KIRREL3: variants seen among roughly 807,000 people sequenced by gnomAD.
KIRREL3 encodes the protein kin of IRRE-like protein 3.
In KIRREL3, 36 loss-of-function variants were observed where a neutral mutation model predicts 89.7. The ratio of observed to expected loss-of-function variants is 0.40; its 90% CI spans 0.31 to 0.53. The LOEUF is 0.53. KIRREL3 is among the 20% of genes least tolerant of loss of function. The pLI is 0.49. For synonymous variants in KIRREL3, 445 were observed against 441.4 expected (o/e 1.01, Z -0.10); for missense variants, 864 against 1,056.6 (o/e 0.82, Z 2.53).
intron 1 of KIRREL3, among the ~76,000 whole-genome samples, chr11:126,929,954 C>A (rs938656392): frequency 2.0e-5 from 3 of 152,134 alleles, no homozygotes; most frequent in South Asian, 2.1e-4. Context: ...AGCCACCCCC[C>A]CCCCCCCACC....
chr11:126,785,977 G>C (rs1950476688), intron 1 of KIRREL3, among the ~76,000 whole-genome samples: 1 of 142,144 alleles, frequency 7.0e-6, no homozygotes, highest in Non-Finnish European at 1.5e-5. Context: ...TCAAAAAAAT[G>C]TACATGCCCT....
rs749386420 is a variant in KIRREL3, at chr11:126,521,656, T to TTC, written c.284-194_284-193dup. On this transcript the variant is annotated intron_variant, in intron 3 of 16. Transcript: ENST00000525144. The surrounding 1 kb of genome is among the most constrained non-coding windows in gnomAD (Gnocchi z 4.1). ...TTTCCCAAGGCATTGAAGGTGTTGG[T>TTC]TCTCTCTCTCTCTCTCTGTATGTGT... is the stretch of plus-strand genomic sequence containing the variant. Among the ~76,000 whole-genome samples, 64,446 of 148,276 alleles carry TTC rather than the reference T, an allele frequency of 0.43. 15,286 individuals are homozygous for TTC. Among genetic ancestry groups the TTC allele is most frequent in the African/African-American group, 0.63 (25,141 of 40,034 alleles).
chr11:126,730,258 T>C (rs1948561942), intron 1 of KIRREL3, among the ~76,000 whole-genome samples: 1 of 152,218 alleles, frequency 6.6e-6, no homozygotes, highest in Non-Finnish European at 1.5e-5. Flanking sequence ...CACAGGCCCC[T>C]TGAGTGTGAC....
At position 126,985,589 on chromosome 11, in the gene KIRREL3, C is replaced by T. The variant is rs573920228; in HGVS notation, c.55+14866G>A. ...CTAGACTAACCTGGGGGAGAGGAGA[C>T]GGCCACTCCAGAGGGACAGGAGGCA... On this transcript the variant is annotated intron_variant, in intron 1 of 16. Transcript: ENST00000525144. This position sits in a 1 kb window ranked among gnomAD's most constrained non-coding sequence, Gnocchi z 5.3. Among the ~76,000 whole-genome samples the T allele has an allele frequency of 5.3e-5, 8 of 152,104 alleles. No individual in the cohort carries two copies. Among genetic ancestry groups the T allele is most frequent in the African/African-American group, 9.6e-5 (4 of 41,482 alleles).
intron 6 of KIRREL3, among the ~76,000 whole-genome samples, chr11:126,458,634 C>A (rs1053217344): frequency 1.3e-5 from 2 of 152,192 alleles, no homozygotes; most frequent in Non-Finnish European, 2.9e-5. Flanking sequence ...TAGCAGGTGG[C>A]TGACTGTGCT....
intron 16 of KIRREL3, 70 bp from the exon 17 acceptor site, chr11:126,425,093 C>A (rs1457750286): frequency 7.3e-7 from 1 of 1,374,220 alleles, no homozygotes; most frequent in Non-Finnish European, 9.7e-7. Context: ...GGTTTCCAGG[C>A]TGAGCCCGTC....
In KIRREL3 at chr11:126,999,047, G is replaced by T. The variant is rs1480509162; in HGVS notation, c.55+1408C>A. Among the ~76,000 whole-genome samples, 1 of 151,566 alleles carries T rather than the reference G, an allele frequency of 6.6e-6. No individual in the cohort carries two copies. Among genetic ancestry groups the T allele is most frequent in the South Asian group, 2.1e-4 (1 of 4,816 alleles). On this transcript the variant is annotated intron_variant, in intron 1 of 16. Coordinates refer to ENST00000525144, the MANE Select transcript of KIRREL3 (RefSeq NM_032531.4). The surrounding 1 kb of genome is among the most constrained non-coding windows in gnomAD (Gnocchi z 5.7). ...ACCTGTCTCTATACCAGTGTTCTGAGAGAGTTCTTATTCATTCAGCCTGAA... is the reference window on the plus strand; with the variant it reads ...ACCTGTCTCTATACCAGTGTTCTGATAGAGTTCTTATTCATTCAGCCTGAA...
At chr11:126,932,703 G>A (rs1948004404) in intron 1 of KIRREL3, among the ~76,000 whole-genome samples, 1 of 152,174 alleles carries the variant, frequency 6.6e-6, no homozygotes, top group Non-Finnish European at 1.5e-5. Flanking sequence ...AAGGGCAAAA[G>A]GCCTATGTAT....
chr11:126,777,979 C>T (rs1292661448), intron 1 of KIRREL3, among the ~76,000 whole-genome samples: 1 of 149,808 alleles, frequency 6.7e-6, no homozygotes, highest in African/African-American at 2.5e-5. Flanking sequence ...TGCATGGTTG[C>T]AAGGACTGGG....
At chr11:126,922,632 C>T (rs1332146548) in intron 1 of KIRREL3, among the ~76,000 whole-genome samples, 2 of 152,032 alleles carry the variant, frequency 1.3e-5, no homozygotes, top group Admixed American at 6.5e-5. Flanking sequence ...ACCATCTCCC[C>T]TTCTTCTCAG....
At chr11:126,439,112 C>A (rs1345866864) in intron 11 of KIRREL3, among the ~76,000 whole-genome samples, 4 of 152,178 alleles carry the variant, frequency 2.6e-5, no homozygotes, top group Non-Finnish European at 4.4e-5. Context: ...CCCTGGATCA[C>A]CTGAGGTCAG....
chr11:126,451,725 T>C (rs1245204044), intron 7 of KIRREL3, among the ~76,000 whole-genome samples: 1 of 152,220 alleles, frequency 6.6e-6, no homozygotes, highest in Admixed American at 6.5e-5. Context: ...AGCACGTGCA[T>C]ATGCATGTGA....
At position 126,764,787 on chromosome 11, in the gene KIRREL3, C is replaced by T. The variant is rs77316712; in HGVS notation, c.56-201875G>A. Among the ~76,000 whole-genome samples, 1,990 of 152,256 alleles carry T rather than the reference C, an allele frequency of 0.013. 35 individuals are homozygous for T. The highest frequency in any genetic ancestry group is 0.046 in the African/African-American group (1,896 of 41,528). ...CTGTAAGCCTCCGGGGCCATATAAA[C>T]GCGGCTATTTTCACAGTCCAACTTC... On this transcript the variant is annotated intron_variant, in intron 1 of 16. Transcript: ENST00000525144. The surrounding 1 kb of genome is among the most constrained non-coding windows in gnomAD (Gnocchi z 4.2).
Position 126,908,803 on chromosome 11 carries a change from A to G in KIRREL3, c.55+91652T>C, listed in dbSNP as rs192568766. On this transcript the variant is annotated intron_variant, in intron 1 of 16. Transcript: ENST00000525144. This position sits in a 1 kb window ranked among gnomAD's most constrained non-coding sequence, Gnocchi z 4.2. Reference sequence around the variant, plus strand: ...AACAAAGACTCAGGCAAATATATGCAGTCATCCCTCGTTATTCAAGGAGGA... The same window carrying G: ...AACAAAGACTCAGGCAAATATATGCGGTCATCCCTCGTTATTCAAGGAGGA... 6.6e-6 allele frequency among the ~76,000 whole-genome samples: 1 copy of G among 152,276 alleles called. No homozygotes were observed. Among genetic ancestry groups the G allele is most frequent in the East Asian group, 1.9e-4 (1 of 5,170 alleles).
intron 1 of KIRREL3, among the ~76,000 whole-genome samples, chr11:126,712,264 A>AGTGTGTGT (rs3045186): frequency 0.045 from 6,675 of 149,642 alleles, 343 homozygotes; most frequent in African/African-American, 0.13. Context: ...GATAAGGGCG[A>AGTGTGTGT]GTGTGTGTGT....
At position 126,521,555 on chromosome 11, in the gene KIRREL3, GC is replaced by G. The variant is rs3839943; in HGVS notation, c.284-92del. 0.2 allele frequency: 237,586 copies of G among 1,164,428 alleles called. 28,935 individuals are homozygous for G. Among genetic ancestry groups the G allele is most frequent in the African/African-American group, 0.45 (29,025 of 64,768 alleles). 72.1% of individuals were successfully genotyped at this position (1,164,428 alleles called of 1,614,324 possible). A position where few individuals can be genotyped will look rare whatever the true frequency, so the allele number is the denominator to read the frequency against. On this transcript the variant is annotated intron_variant, in intron 3 of 16. Transcript: ENST00000525144. The surrounding 1 kb of genome is among the most constrained non-coding windows in gnomAD (Gnocchi z 4.1). The stretch of plus-strand genomic sequence containing the variant: ...CACAGAATGGAGGACCCAAGCAGGG[GC>G]CATTCTACAAGGCTGGCAGAGCGGG...
At position 126,943,690 on chromosome 11, in the gene KIRREL3, G is replaced by A. The variant is rs920245446; in HGVS notation, c.55+56765C>T. On this transcript the variant is annotated intron_variant, in intron 1 of 16. Transcript: ENST00000525144. This position sits in a 1 kb window ranked among gnomAD's most constrained non-coding sequence, Gnocchi z 4.2. Reference sequence around the variant, plus strand: ...AGGGCCAGAATGACTGATGTGAGGGGTCAAGGGCAGGCTTTGCCTCCAGGG... The same window carrying A: ...AGGGCCAGAATGACTGATGTGAGGGATCAAGGGCAGGCTTTGCCTCCAGGG... Among the ~76,000 whole-genome samples, 4 of 152,172 alleles carry A rather than the reference G, an allele frequency of 2.6e-5. No individual in the cohort carries two copies. The highest frequency in any genetic ancestry group is 5.9e-5 in the Non-Finnish European group (4 of 68,032).
intron 1 of KIRREL3, among the ~76,000 whole-genome samples, chr11:126,713,417 A>G (rs1317771307): frequency 6.6e-6 from 1 of 152,194 alleles, no homozygotes; most frequent in Non-Finnish European, 1.5e-5. Context: ...CTTTTATGCC[A>G]TTCTTAGAAG....
At chr11:126,884,330 G>T (rs930208743) in intron 1 of KIRREL3, among the ~76,000 whole-genome samples, 9 of 152,180 alleles carry the variant, frequency 5.9e-5, no homozygotes, top group Non-Finnish European at 8.8e-5. Flanking sequence ...GCCAATCGAT[G>T]GGCCTCCCTA....
Sources: gnomAD v4.1 joint callset for allele counts (sites outside exome capture counted in the v4.1 genomes callset) on GRCh38, gnomAD v4.1.1 for gene constraint, Gnocchi (gnomAD v3.1) non-coding constraint, MANE v1.5 for transcripts, NCBI Gene and HGNC (gene_info 2026-07-23, HGNC 2026-07-21) for gene names.